Variants in FANCD2 observed in about 807,000 individuals in gnomAD.
FANCD2 encodes the protein FA complementation group D2, also known as Fanconi anemia group D2 protein.
A neutral mutation model predicts 192.3 loss-of-function variants in FANCD2; 131 were observed. That is an observed-to-expected ratio of 0.68 (90% CI 0.59 to 0.79). The LOEUF (loss-of-function observed/expected upper bound fraction) is 0.79. FANCD2 is among the 30% of genes least tolerant of loss of function. The probability of loss-of-function intolerance (pLI) is 0.00; values close to 1 mark genes in which losing one functional copy is unlikely to be tolerated. For synonymous variants in FANCD2, 524 were observed against 612.5 expected (o/e 0.86, Z 2.13); for missense variants, 1,508 against 1,701.6 (o/e 0.89, Z 2.00).
chr3:10,041,403 G>A (rs1490041825), intron 9 of FANCD2: 3 of 461,464 alleles, frequency 6.5e-6, no homozygotes, highest in East Asian at 4.1e-5. Context: ...GTGATGGAAG[G>A]CTTCTTGTTT....
intron 16 of FANCD2, 39 bp downstream of exon 16, chr3:10,048,090 G>T (rs773911257): frequency 1.9e-6 from 3 of 1,612,894 alleles, no homozygotes; most frequent in Non-Finnish European, 2.5e-6. Flanking sequence ...AGGGAACACA[G>T]AAAGGGAAAA....
rs551278018 is a variant in FANCD2 at position 10,048,685 on chromosome 3, T to C, written c.1413+634T>C. On this transcript the variant is annotated intron_variant, in intron 16 of 43. Coordinates refer to ENST00000675286, the MANE Select transcript of FANCD2 (RefSeq NM_001018115.3). ...GTTTATGAAAGCAAGTAAAGAACAGTGTCTTATTTTGTATTTTTACATATA... is the reference window on the plus strand; with the variant it reads ...GTTTATGAAAGCAAGTAAAGAACAGCGTCTTATTTTGTATTTTTACATATA... Among the ~76,000 whole-genome samples the C allele has an allele frequency of 2.6e-5, 4 of 152,324 alleles. No individual in the cohort carries two copies. In the East Asian group the frequency reaches 7.7e-4, roughly 29 times the overall value.
chr3:10,043,284 A>T, intron 12 of FANCD2, 134 bp downstream of exon 12: 1 of 812,560 alleles, frequency 1.2e-6, no homozygotes, highest in Non-Finnish European at 2.1e-6. Flanking sequence ...TTCAAATTAC[A>T]TATATGTATG....
At chr3:10,100,544 G>A (rs1461375970) in intron 43 of FANCD2, among the ~76,000 whole-genome samples, 1 of 152,130 alleles carries the variant, frequency 6.6e-6, no homozygotes, top group African/African-American at 2.4e-5. Flanking sequence ...GCTAGTTTTT[G>A]TATATTTAGT....
chr3:10,074,947 T>C (rs1429741083), intron 29 of FANCD2, among the ~76,000 whole-genome samples: 1 of 152,178 alleles, frequency 6.6e-6, no homozygotes, highest in East Asian at 1.9e-4. Context: ...ATAAGCTACC[T>C]AGATTATTTT....
At chr3:10,082,853 T>C (rs1693928933) in intron 32 of FANCD2, among the ~76,000 whole-genome samples, 1 of 152,212 alleles carries the variant, frequency 6.6e-6, no homozygotes, top group South Asian at 2.1e-4. Context: ...GTCTGTCATT[T>C]TTATATCCTC....
chr3:10,087,022 C>G, intron 33 of FANCD2, 112 bp from the exon 34 acceptor site: 1 of 1,154,572 alleles, frequency 8.7e-7, no homozygotes, highest in African/African-American at 1.5e-5. Flanking sequence ...AAGGAGGATT[C>G]TGATTAGGCC....
chr3:10,064,864 A>AT lies in FANCD2; in HGVS notation c.2158dup (p.Ser720PhefsTer27). On this transcript the variant is annotated frameshift_variant, in exon 23 of 44. Coordinates refer to ENST00000675286, the MANE Select transcript of FANCD2 (RefSeq NM_001018115.3). LOFTEE classifies it high-confidence loss of function. ...ATGGGGGTCCGGTGACCTCACAGGAATCAGGCCAAAAGTCAGTATAGTTTT... is the reference window on the plus strand; with the variant it reads ...ATGGGGGTCCGGTGACCTCACAGGAATTCAGGCCAAAAGTCAGTATAGTTTT... 1.2e-6 allele frequency: 2 copies of AT among 1,613,838 alleles called. No individual in the cohort carries two copies. The highest frequency in any genetic ancestry group is 1.7e-6 in the Non-Finnish European group (2 of 1,179,724).
At position 10,047,967 on chromosome 3, in the gene FANCD2, T is replaced by C. The variant is rs2087074220; in HGVS notation, c.1329T>C (p.Leu443=). The change falls in exon 16 of 44, where the codon CTT becomes CTC. Residue 443 remains leucine, a synonymous_variant. Transcript: ENST00000675286. ...TTCTGTCGCTGGCTCAGAGTTTGCT[T>C]CACTCTCTAGACCAGAGTATAATTT... is the stretch of plus-strand genomic sequence containing the variant. ...SSILSLAQSL[L]HSLDQSIISF... 1 of 1,613,778 alleles carries C rather than the reference T, an allele frequency of 6.2e-7. No homozygotes were observed. Among genetic ancestry groups the C allele is most frequent in the African/African-American group, 1.3e-5 (1 of 74,950 alleles).
intron 7 of FANCD2, among the ~76,000 whole-genome samples, chr3:10,038,893 T>C (rs1478110826): frequency 6.6e-6 from 1 of 152,206 alleles, no homozygotes; most frequent in African/African-American, 2.4e-5. Context: ...TGCTTGCCTT[T>C]TTAAGCACTT....
At chr3:10,089,855 A>T (rs1426796566) in intron 36 of FANCD2, among the ~76,000 whole-genome samples, 1 of 152,208 alleles carries the variant, frequency 6.6e-6, no homozygotes, top group Non-Finnish European at 1.5e-5. Flanking sequence ...TAGTTATCTT[A>T]ACATTTGTAG....
intron 7 of FANCD2, chr3:10,037,782 AC>A (rs930110931): frequency 3.3e-5 from 5 of 152,230 alleles, no homozygotes; most frequent in Non-Finnish European, 7.3e-5. Flanking sequence ...AAAAAAACAA[AC>A]CCAGGTTACA....
intron 32 of FANCD2, 157 bp downstream of exon 32, chr3:10,081,621 C>T: frequency 1.4e-6 from 1 of 735,626 alleles, no homozygotes; most frequent in East Asian, 2.5e-5. Context: ...TGTATTATTT[C>T]ATTTGATCTT....
intron 40 of FANCD2, 69 bp downstream of exon 40, chr3:10,094,432 T>A: frequency 7.4e-7 from 1 of 1,344,748 alleles, no homozygotes; most frequent in Non-Finnish European, 1.1e-6. Flanking sequence ...CCTTGGTGAC[T>A]CCTGGGTGGG....
rs375375514 is a variant in FANCD2, at chr3:10,094,231, C to T, written c.3889-58C>T. The T allele has an allele frequency of 1.8e-5, 24 of 1,309,312 alleles. No individual in the cohort carries two copies. In the South Asian group the frequency reaches 2.6e-4, roughly 14 times the overall value. 81.1% of individuals were successfully genotyped at this position (1,309,312 alleles called of 1,614,324 possible). A position where few individuals can be genotyped will look rare whatever the true frequency, so the allele number is the denominator to read the frequency against. On this transcript the variant is annotated intron_variant, in intron 39 of 43. Transcript: ENST00000675286. ...TGGGCTGGATGAGACTATTCTGCCT[C>T]AGGGGCCTTTCAGTGAGATACCTCA...
intron 32 of FANCD2, among the ~76,000 whole-genome samples, chr3:10,084,681 A>C (rs923642179): frequency 1.3e-5 from 2 of 152,134 alleles, no homozygotes; most frequent in African/African-American, 4.8e-5. Flanking sequence ...AAAACCTGAC[A>C]CCTAATAGGC....
chr3:10,043,143 C>A lies in FANCD2; in HGVS notation c.982C>A (p.Arg328=). The stretch of plus-strand genomic sequence containing the variant: ...CCAAGTAAAGTTGAAAAGTAAAGGA[C>A]GAGCAAGGTAAAGAGCTCATCCTCA... ...ASQVKLKSKG[R]ASSSGNQESS... Residue 328 remains arginine (R), a synonymous_variant, in exon 12 of 44, where the codon CGA becomes AGA. Coordinates refer to ENST00000675286, the MANE Select transcript of FANCD2 (RefSeq NM_001018115.3). The A allele has an allele frequency of 2.5e-6, 4 of 1,613,500 alleles. No homozygotes were observed. Among genetic ancestry groups the A allele is most frequent in the Non-Finnish European group, 3.4e-6 (4 of 1,179,536 alleles).
rs1200678027 is a variant in FANCD2, at chr3:10,074,607, G to A, written c.2793G>A (p.Glu931=). The stretch of plus-strand genomic sequence containing the variant: ...CTTTTTTCCGAGAGCTGGACATTGA[G>A]GTCTTCTCTATTCTACATTGTGGAC... ...SHAFFRELDI[E]VFSILHCGLV... is the part of the protein sequence containing the mutation. Residue 931 remains glutamate (E), a synonymous_variant, in exon 29 of 44, where the codon GAG becomes GAA. Coordinates refer to ENST00000675286, the MANE Select transcript of FANCD2 (RefSeq NM_001018115.3). The A allele has an allele frequency of 6.2e-6, 10 of 1,613,582 alleles. No homozygotes were observed. Among genetic ancestry groups the A allele is most frequent in the Non-Finnish European group, 8.5e-6 (10 of 1,179,690 alleles).
At chr3:10,077,941 G>A in intron 29 of FANCD2, 140 bp from the exon 30 acceptor site, 1 of 735,246 alleles carries the variant, frequency 1.4e-6, no homozygotes, top group Non-Finnish European at 2.5e-6. Context: ...GGCTGAGATG[G>A]GAGGATAACT....
Sources: allele counts gnomAD v4.1 joint callset (sites outside exome capture counted in the v4.1 genomes callset), GRCh38; gene constraint gnomAD v4.1.1; transcripts MANE v1.5; gene names NCBI Gene and HGNC (gene_info 2026-07-23, HGNC 2026-07-21).